The following GRTP1 variants were observed in gnomAD, a reference collection of about 807,000 sequenced individuals.
The protein encoded by GRTP1 is growth hormone regulated TBC protein 1.
Under a neutral mutation model 38.1 loss-of-function variants are expected in GRTP1, and 56 were observed. The ratio of observed to expected loss-of-function variants is 1.47; its 90% CI spans 1.19 to 1.84. GRTP1 has a LOEUF of 1.84. GRTP1 is among the 40% of genes most tolerant of loss of function. The pLI is 0.00. For synonymous variants in GRTP1, 217 were observed against 189.5 expected, an observed-to-expected ratio of 1.14 and a Z score of -1.19; for missense variants, 506 against 453.9, an observed-to-expected ratio of 1.11 and a Z score of -1.04.
intron 5 of GRTP1, among the ~76,000 whole-genome samples, chr13:113,333,843 G>T (rs1346813734): frequency 2.5e-4 from 22 of 89,214 alleles, no homozygotes; most frequent in South Asian, 4.3e-4. Flanking sequence ...TATTTAGTGT[G>T]TGTGTGTGTG....
Position 113,325,968 on chromosome 13 carries a change from A to T in GRTP1, c.686T>A (p.Leu229Gln), listed in dbSNP as rs1433609818. ...CAGGCAGATGAACCAGCGGGACACC[A>T]GCAGCGTCCACAGCACACCGAGACG... The part of the protein sequence containing the change: ...MERLGVLWTL[L>Q]VSRWFICLFV... Residue 229 changes from leucine (L) to glutamine (Q), a missense_variant, in exon 6 of 8, where the codon CTG becomes CAG. By Grantham distance (113) the Leu-to-Gln change is moderately radical. Coordinates refer to ENST00000375431, the MANE Select transcript of GRTP1 (RefSeq NM_024719.4). 6 of 1,613,758 alleles carry T rather than the reference A, an allele frequency of 3.7e-6. No individual in the cohort carries two copies. The highest frequency in any genetic ancestry group is 5.1e-6 in the Non-Finnish European group (6 of 1,179,964).
intron 2 of GRTP1, among the ~76,000 whole-genome samples, chr13:113,363,396 G>A (rs1460334432): frequency 1.3e-5 from 2 of 152,258 alleles, no homozygotes; most frequent in South Asian, 2.1e-4. Flanking sequence ...TAGTAGAGAC[G>A]GGGTTTCACC....
intron 1 of GRTP1, 55 bp from the exon 2 acceptor site, chr13:113,363,965 C>G (rs2139558042): frequency 6.4e-7 from 1 of 1,558,140 alleles, no homozygotes; most frequent in Non-Finnish European, 8.7e-7. Flanking sequence ...TGGGGGGTCG[C>G]GGGCCCGCGC....
At chr13:113,337,268 C>T (rs2042967259) in intron 5 of GRTP1, among the ~76,000 whole-genome samples, 1 of 152,168 alleles carries the variant, frequency 6.6e-6, no homozygotes, top group Non-Finnish European at 1.5e-5. Flanking sequence ...GTACTCCAGC[C>T]TGGCAACAGT....
intron 3 of GRTP1, among the ~76,000 whole-genome samples, chr13:113,353,961 G>A (rs978510195): frequency 6.6e-6 from 1 of 152,084 alleles, no homozygotes; most frequent in African/African-American, 2.4e-5. Flanking sequence ...TTCCAGCTAC[G>A]CAGGAGGCTG....
chr13:113,352,362 A>ATATATATATTTATTTATATATATTT (rs2043300167), intron 3 of GRTP1, among the ~76,000 whole-genome samples: 1 of 80,850 alleles, frequency 1.2e-5, no homozygotes, highest in Admixed American at 1.8e-4. Flanking sequence ...TATATATTTT[A>ATATATATATTTATTTATATATATTT]TATATATATA....
intron 5 of GRTP1, among the ~76,000 whole-genome samples, chr13:113,336,348 A>AAACAAACAAAC (rs2042954808): frequency 6.7e-6 from 1 of 149,524 alleles, no homozygotes; most frequent in African/African-American, 2.5e-5. Context: ...ATTTAATTAA[A>AAACAAACAAAC]AAACAAACAA....
chr13:113,329,437 G>A (rs2042824170), intron 5 of GRTP1, among the ~76,000 whole-genome samples: 1 of 152,098 alleles, frequency 6.6e-6, no homozygotes, highest in South Asian at 2.1e-4. Context: ...AATTAGCTGG[G>A]CGTGGTGGCC....
intron 4 of GRTP1, among the ~76,000 whole-genome samples, chr13:113,346,191 G>GCAAAGAGCAGACCCAGGAGGAC (rs1788586983): frequency 1.8e-5 from 2 of 112,208 alleles, no homozygotes; most frequent in African/African-American, 3.4e-5. Context: ...GACCTCTGTG[G>GCAAAGAGCAGACCCAGGAGGAC]CTGAGAGCAG....
chr13:113,351,168 C>T (rs888439514), intron 3 of GRTP1, among the ~76,000 whole-genome samples, 195 bp from the exon 4 acceptor site: 11 of 152,122 alleles, frequency 7.2e-5, no homozygotes, highest in South Asian at 4.1e-4. Flanking sequence ...ATCCTGAACT[C>T]GGGGCGGAGA....
intron 5 of GRTP1, among the ~76,000 whole-genome samples, chr13:113,338,258 A>T (rs2139431527): frequency 6.6e-6 from 1 of 152,214 alleles, no homozygotes; most frequent in South Asian, 2.1e-4. Flanking sequence ...CATGGGCTCT[A>T]CAAGAGGCCG....
intron 3 of GRTP1, among the ~76,000 whole-genome samples, chr13:113,352,338 T>A (rs2043295466): frequency 2.2e-4 from 1 of 4,522 alleles, no homozygotes; most frequent in African/African-American, 4.1e-4. Context: ...ATATATATTT[T>A]ATATATATAT....
intron 5 of GRTP1, among the ~76,000 whole-genome samples, chr13:113,334,253 C>T (rs1462095211): frequency 1.8e-5 from 1 of 54,378 alleles, no homozygotes; most frequent in Non-Finnish European, 5.2e-5. Context: ...ACCTGCTTCC[C>T]CTTCGTCCCC....
chr13:113,351,314 G>A (rs939073807), intron 3 of GRTP1, among the ~76,000 whole-genome samples: 43 of 152,224 alleles, frequency 2.8e-4, no homozygotes, highest in African/African-American at 9.9e-4. Context: ...CTCGGACCTC[G>A]CGCGTAGCGG....
At chr13:113,352,512 T>C (rs542644461) in intron 3 of GRTP1, among the ~76,000 whole-genome samples, 2 of 151,444 alleles carry the variant, frequency 1.3e-5, no homozygotes, top group South Asian at 4.2e-4. Context: ...TAGCTGAGAC[T>C]ACAGGCACAC....
chr13:113,356,730 G>A (rs992175085), intron 2 of GRTP1, among the ~76,000 whole-genome samples: 3 of 152,178 alleles, frequency 2.0e-5, no homozygotes, highest in Admixed American at 6.5e-5. Context: ...ATAGGCTACA[G>A]TCAAGAAAAG....
intron 4 of GRTP1, 34 bp from the exon 5 acceptor site, chr13:113,344,993 TGA>T: frequency 6.3e-7 from 1 of 1,581,658 alleles, no homozygotes. Context: ...AAATTCACAT[TGA>T]GTTTTAAGCC....
chr13:113,328,125 G>T (rs373983570), intron 5 of GRTP1, among the ~76,000 whole-genome samples: 1 of 152,214 alleles, frequency 6.6e-6, no homozygotes, highest in Non-Finnish European at 1.5e-5. Context: ...AGGCACTGAT[G>T]TTCCCAGGTG....
In GRTP1 at chr13:113,346,205, C is replaced by T. The variant is rs796097302; in HGVS notation, c.466-1246G>A. Among the ~76,000 whole-genome samples, 431 of 109,704 alleles carry T rather than the reference C, an allele frequency of 3.9e-3. 16 individuals are homozygous for T. The highest frequency in any genetic ancestry group is 0.011 in the Admixed American group (102 of 9,672). 72.0% of individuals were successfully genotyped at this position (109,704 alleles called of 152,430 possible). A position where few individuals can be genotyped will look rare whatever the true frequency, so the allele number is the denominator to read the frequency against. The stretch of plus-strand genomic sequence containing the variant: ...GGACCTCTGTGGCTGAGAGCAGACC[C>T]GGGAGGACCTCTGTGGCTGAGAACA... On this transcript the variant is annotated intron_variant, in intron 4 of 7. Transcript: ENST00000375431.
Sources: allele counts gnomAD v4.1 joint callset (sites outside exome capture counted in the v4.1 genomes callset), GRCh38; gene constraint gnomAD v4.1.1; transcripts MANE v1.5; gene names NCBI Gene and HGNC (gene_info 2026-07-23, HGNC 2026-07-21).